The following ATP13A3 variants were observed in gnomAD, a reference collection of about 807,000 sequenced individuals.
The protein encoded by ATP13A3 is polyamine-transporting ATPase 13A3.
A neutral mutation model predicts 158.1 loss-of-function variants in ATP13A3; 59 were observed. That is an observed-to-expected ratio of 0.37 (90% CI 0.30 to 0.46). The LOEUF is 0.46. Among genes scored for constraint, ATP13A3 ranks in the 20% least tolerant of loss-of-function variants. ATP13A3 has a pLI of 1.00. For synonymous variants in ATP13A3, 491 were observed against 504.3 expected (o/e 0.97, Z 0.35); for missense variants, 1,166 against 1,525.2 (o/e 0.76, Z 3.92).
chr3:194,427,321 G>A, intron 28 of ATP13A3, 69 bp from the exon 29 acceptor site: 1 of 1,356,676 alleles, frequency 7.4e-7, no homozygotes, highest in Non-Finnish European at 9.9e-7. Flanking sequence ...GGCATAACTA[G>A]ATTCATTTAG....
rs531483728 is a variant in ATP13A3, at chr3:194,480,146, C to T, written c.-47+5648G>A. 4.6e-5 allele frequency among the ~76,000 whole-genome samples: 7 copies of T among 152,292 alleles called. No individual in the cohort carries two copies. The South Asian group carries it at 1.4e-3, about 32-fold the overall frequency. On this transcript the variant is annotated intron_variant, in intron 2 of 33. Transcript: ENST00000645319. ...AATAATAAGTTACCCTTCACTCAGA[C>T]TCTTATCCTTACAATTCTCTAAGGT...
intron 14 of ATP13A3, among the ~76,000 whole-genome samples, chr3:194,445,509 A>T (rs1175193865): frequency 6.6e-6 from 1 of 152,222 alleles, no homozygotes; most frequent in African/African-American, 2.4e-5. Context: ...AGATAAAATA[A>T]GACTGACAAT....
chr3:194,437,353 C>T lies in ATP13A3; in HGVS notation c.1957G>A (p.Gly653Arg). The change falls in exon 19 of 34, where the codon GGA (glycine) becomes AGA (arginine). Residue 653 changes from glycine to arginine, a missense_variant. Gly to Arg is a moderately radical substitution (Grantham distance 125). Around this residue, in one of 3 missense-constraint regions of ATP13A3, gnomAD observed 997 missense variants for 1,341.2 expected, o/e 0.74. Transcript: ENST00000645319. ...GDRKMDAYMKGAPEAIAGLCK... is the reference protein window; with the variant it reads ...GDRKMDAYMKRAPEAIAGLCK... ...AGACCGGCAATGGCCTCGGGCGCTCCTTTCATGTAGGCGTCCATTTTCCTA... is the reference window on the plus strand; with the variant it reads ...AGACCGGCAATGGCCTCGGGCGCTCTTTTCATGTAGGCGTCCATTTTCCTA... 6.2e-7 allele frequency: 1 copy of T among 1,614,194 alleles called. No homozygotes were observed. The highest frequency in any genetic ancestry group is 2.2e-5 in the East Asian group (1 of 44,880).
At position 194,439,298 on chromosome 3, in the gene ATP13A3, T is replaced by C. The variant is rs942812302; in HGVS notation, c.1711-326A>G. Among the ~76,000 whole-genome samples the C allele has an allele frequency of 3.9e-5, 6 of 152,204 alleles. No homozygotes were observed. The East Asian group carries it at 1.2e-3, about 29-fold the overall frequency. On this transcript the variant is annotated intron_variant, in intron 16 of 33. Coordinates refer to ENST00000645319, the MANE Select transcript of ATP13A3 (RefSeq NM_001367549.1). The stretch of plus-strand genomic sequence containing the variant: ...GTTTAGAGACTAGCTCTGCAAAAGA[T>C]AAAAGGTTCTTGTAGTCCCCAGAAT...
intron 21 of ATP13A3, 61 bp from the exon 22 acceptor site, chr3:194,431,953 A>G (rs895056345): frequency 1.6e-5 from 22 of 1,344,110 alleles, no homozygotes; most frequent in Non-Finnish European, 2.1e-5. Context: ...CGTATCAAAC[A>G]TGTACTTGCT....
chr3:194,450,521 G>A (rs1317748084), intron 10 of ATP13A3: 7 of 436,704 alleles, frequency 1.6e-5, no homozygotes, highest in African/African-American at 4.0e-5. Context: ...ACCCTCTGAC[G>A]AAGCAGGTTA....
intron 27 of ATP13A3, 87 bp downstream of exon 27, chr3:194,429,589 GGA>G (rs879904586): frequency 1.3e-3 from 1,141 of 894,238 alleles, no homozygotes; most frequent in Non-Finnish European, 1.6e-3. Context: ...AATTACTAAT[GGA>G]TGCATTCAAA....
At chr3:194,410,544 G>C (rs1416671497) in intron 33 of ATP13A3, among the ~76,000 whole-genome samples, 1 of 151,970 alleles carries the variant, frequency 6.6e-6, no homozygotes, top group Non-Finnish European at 1.5e-5. Flanking sequence ...ACTCCAGCCT[G>C]GGTGACAGAG....
At position 194,466,312 on chromosome 3, in the gene ATP13A3, T is replaced by C. The variant is rs142279388; in HGVS notation, c.-46-4076A>G. Among the ~76,000 whole-genome samples the C allele has an allele frequency of 3.4e-3, 525 of 152,230 alleles. 1 individual carries two copies. The highest frequency in any genetic ancestry group is 0.012 in the African/African-American group (506 of 41,546). On this transcript the variant is annotated intron_variant, in intron 2 of 33. Coordinates refer to ENST00000645319, the MANE Select transcript of ATP13A3 (RefSeq NM_001367549.1). ...CACTGAAACCAAAAAGGCTGGTTCT[T>C]TGAAATCCATAAAATTGTTAACTGC...
At position 194,427,222 on chromosome 3, in the gene ATP13A3, A is replaced by G; in HGVS notation, c.2978T>C (p.Val993Ala). 6.2e-7 allele frequency: 1 copy of G among 1,607,098 alleles called. No individual in the cohort carries two copies. Among genetic ancestry groups the G allele is most frequent in the Non-Finnish European group, 8.5e-7 (1 of 1,178,544 alleles). Residue 993 changes from valine to alanine, a missense_variant, in exon 29 of 34, where the codon GTG (valine) becomes GCG (alanine). This residue lies in a region of ATP13A3 where 997 missense variants were observed against 1,341.2 expected (regional missense o/e 0.74). Coordinates refer to ENST00000645319, the MANE Select transcript of ATP13A3 (RefSeq NM_001367549.1). ...AAGACCCGAAGGTGGTCTTTGTGCC[A>G]CAAGTTCTTTCCAGGCAGGATTTAA... ...MSLNPAWKELVAQRPPSGLIS... is the reference protein window; with the variant it reads ...MSLNPAWKELAAQRPPSGLIS...
At chr3:194,424,844 A>G (rs1716639947) in intron 30 of ATP13A3, among the ~76,000 whole-genome samples, 1 of 152,212 alleles carries the variant, frequency 6.6e-6, no homozygotes, top group South Asian at 2.1e-4. Context: ...GAAGAATCCC[A>G]GAGGTGAACA....
At chr3:194,463,334 C>T (rs527674530) in intron 2 of ATP13A3, among the ~76,000 whole-genome samples, 2 of 150,362 alleles carry the variant, frequency 1.3e-5, no homozygotes, top group African/African-American at 2.5e-5. Flanking sequence ...TTCAGCTACA[C>T]ATTAAAGAAA....
chr3:194,464,069 G>C (rs1719840321), intron 2 of ATP13A3, among the ~76,000 whole-genome samples: 2 of 152,160 alleles, frequency 1.3e-5, no homozygotes, highest in East Asian at 1.9e-4. Context: ...GCTGAGGTGA[G>C]AGAATTGCTT....
In ATP13A3 at chr3:194,417,954, C is replaced by CGGAAGGAAGGAA. The variant is rs1491273681; in HGVS notation, c.3402+1924_3402+1925insTTCCTTCCTTCC. Among the ~76,000 whole-genome samples, 214 of 77,906 alleles carry CGGAAGGAAGGAA rather than the reference C, an allele frequency of 2.7e-3. 6 individuals carry two copies. The highest frequency in any genetic ancestry group is 0.014 in the African/African-American group (199 of 14,348). 51.1% of individuals were successfully genotyped at this position (77,906 alleles called of 152,430 possible). ...GCAGCGTGGGTGACAGACAGACGGA[C>CGGAAGGAAGGAA]GGACGGAAGGAAGGAAGGAAGGAAG... On this transcript the variant is annotated intron_variant, in intron 31 of 33. Transcript: ENST00000645319.
chr3:194,437,207 C>T lies in ATP13A3; in HGVS notation c.2008G>A (p.Asp670Asn), dbSNP rs190463470. The T allele has an allele frequency of 3.7e-5, 59 of 1,613,968 alleles. 1 individual carries two copies. In the African/African-American group the frequency reaches 5.6e-4, roughly 15 times the overall value. Residue 670 changes from aspartate (D) to asparagine (N), a missense_variant, in exon 20 of 34, where the codon GAT (aspartate) becomes AAT (asparagine). Asp to Asn is a conservative substitution (Grantham distance 23). Transcript: ENST00000645319. ...AAGTCTTCCAAAACGTTTTGAAAAT[C>T]GACAGGAACTTTTTAAAAGAAAGAG... ...GLCKPETVPV[D>N]FQNVLEDFTK...
rs1415367039 is a variant in ATP13A3, at chr3:194,493,572, G to A, written n.746+478C>T. ...TGAGGTGGGAGAATCGCATGAACCC[G>A]GAGGTGGAGGTTTGCAGTGAGCTGA... On this transcript the variant is annotated intron_variant and non_coding_transcript_variant, in intron 2 of 32. Transcript: ENST00000687055. Among the ~76,000 whole-genome samples the A allele has an allele frequency of 5.3e-5, 8 of 151,504 alleles. No individual in the cohort carries two copies. The East Asian group carries it at 7.8e-4, about 15-fold the overall frequency.
intron 2 of ATP13A3, among the ~76,000 whole-genome samples, chr3:194,471,682 C>T (rs920140863): frequency 1.3e-5 from 2 of 152,228 alleles, no homozygotes; most frequent in African/African-American, 4.8e-5. Context: ...ACTAATTCAT[C>T]TAAGTATTAA....
chr3:194,483,101 C>T (rs996786829), intron 2 of ATP13A3, among the ~76,000 whole-genome samples: 4 of 135,218 alleles, frequency 3.0e-5, no homozygotes, highest in African/African-American at 1.3e-4. Flanking sequence ...TACAAGACTC[C>T]GTCTCAAAAA....
chr3:194,446,567 C>G (rs1718424931), intron 14 of ATP13A3, among the ~76,000 whole-genome samples: 1 of 152,092 alleles, frequency 6.6e-6, no homozygotes, highest in African/African-American at 2.4e-5. Context: ...GAATGTATAG[C>G]TCATATTTAT....
Sources: allele counts gnomAD v4.1 joint callset (sites outside exome capture counted in the v4.1 genomes callset), GRCh38; gene constraint gnomAD v4.1.1; regional missense constraint gnomAD v4.1.1; transcripts MANE v1.5; gene names NCBI Gene and HGNC (gene_info 2026-07-23, HGNC 2026-07-21).